The following KIF26A variants were observed in gnomAD, a reference collection of about 807,000 sequenced individuals.
The protein encoded by KIF26A is kinesin family member 26A, also known as kinesin-like protein KIF26A.
In KIF26A, 74 loss-of-function variants were observed where a neutral mutation model predicts 126.0. That is an observed-to-expected ratio of 0.59 (90% confidence interval 0.49 to 0.71). KIF26A has a LOEUF of 0.71. Ranked by LOEUF, KIF26A falls within the 30% of genes least tolerant of loss-of-function variation. The pLI, the probability that KIF26A is intolerant of heterozygous loss-of-function variation, is 0.00. For synonymous variants in KIF26A, 1,445 were observed against 1,232.7 expected, an observed-to-expected ratio of 1.17 and a Z score of -3.61; for missense variants, 2,984 against 2,763.3, an observed-to-expected ratio of 1.08 and a Z score of -1.79.
At chr14:104,172,269 C>T (rs76448230) in intron 6 of KIF26A, among the ~76,000 whole-genome samples, 6,639 of 152,330 alleles carry the variant, frequency 0.044, 189 homozygotes, top group Non-Finnish European at 0.063. Flanking sequence ...AGCCGTGCAC[C>T]GTGTGGCTGC....
Position 104,172,987 on chromosome 14 carries a change from C to T in KIF26A, c.1431C>T (p.Tyr477=). 3.1e-6 allele frequency: 5 copies of T among 1,596,246 alleles called. No individual in the cohort carries two copies. The highest frequency in any genetic ancestry group is 4.3e-6 in the Non-Finnish European group (5 of 1,169,992). Residue 477 remains tyrosine, a synonymous_variant, in exon 8 of 15, where the codon TAC becomes TAT. Coordinates refer to ENST00000423312, the MANE Select transcript of KIF26A (RefSeq NM_015656.2). ...SFGHMSLGKS[Y]TMIGKDSSPQ... Reference sequence around the variant, plus strand: ...CTGCGTGGCCCCCAGGCAAGTCGTACACCATGATCGGGAAGGACAGCTCAC... The same window carrying T: ...CTGCGTGGCCCCCAGGCAAGTCGTATACCATGATCGGGAAGGACAGCTCAC...
At chr14:104,149,542 G>A (rs979237466) in intron 2 of KIF26A, among the ~76,000 whole-genome samples, 6 of 152,076 alleles carry the variant, frequency 3.9e-5, no homozygotes, top group Admixed American at 1.3e-4. Flanking sequence ...CCGGAGCTCC[G>A]AGGCCTGGAT....
intron 2 of KIF26A, among the ~76,000 whole-genome samples, chr14:104,140,957 C>G (rs536028307): frequency 6.6e-6 from 1 of 152,288 alleles, no homozygotes; most frequent in South Asian, 2.1e-4. Flanking sequence ...AAGTGCTGTC[C>G]CACCTGCAGG....
chr14:104,167,630 C>T (rs571594438), intron 5 of KIF26A, among the ~76,000 whole-genome samples: 10 of 152,294 alleles, frequency 6.6e-5, no homozygotes, highest in East Asian at 1.9e-4. Context: ...TTGTGCCATC[C>T]GAGTCTCGGA....
rs1025885665 is a variant in KIF26A at position 104,176,947 on chromosome 14, C to CCGG, written c.4162_4164dup (p.Ala1388dup). On this transcript the variant is annotated inframe_insertion, in exon 12 of 15. Coordinates refer to ENST00000423312, the MANE Select transcript of KIF26A (RefSeq NM_015656.2). ...CTCGGCCCCTCCGCATGCTGTGAAC[C>CCGG]CGGCGCGGGTCGGGGCTGCTGCTGT... 17 of 1,535,398 alleles carry CCGG rather than the reference C, an allele frequency of 1.1e-5. No individual in the cohort carries two copies. The highest frequency in any genetic ancestry group is 1.3e-5 in the Non-Finnish European group (15 of 1,145,774).
At position 104,176,742 on chromosome 14, in the gene KIF26A, A is replaced by T. The variant is rs754373881; in HGVS notation, c.3954A>T (p.Pro1318=). Residue 1318 remains proline (P), a synonymous_variant, in exon 12 of 15, where the codon CCA becomes CCT. Coordinates refer to ENST00000423312, the MANE Select transcript of KIF26A (RefSeq NM_015656.2). ...CCACCACGCTGGGTGTGACAACGCC[A>T]GCTGTGTCCTGGGGAGATGCTCCCA... ...RGATTLGVTT[P]AVSWGDAPTE... The T allele has an allele frequency of 6.3e-7, 1 of 1,587,950 alleles. No individual in the cohort carries two copies. The highest frequency in any genetic ancestry group is 8.6e-7 in the Non-Finnish European group (1 of 1,168,502).
chr14:104,161,794 C>T (rs1282337296), intron 4 of KIF26A, among the ~76,000 whole-genome samples: 1 of 152,232 alleles, frequency 6.6e-6, no homozygotes, highest in African/African-American at 2.4e-5. Flanking sequence ...GGCATCAGGG[C>T]AGGCTTCCTG....
At chr14:104,153,706 C>T (rs2037751893) in intron 3 of KIF26A, among the ~76,000 whole-genome samples, 1 of 152,166 alleles carries the variant, frequency 6.6e-6, no homozygotes, top group South Asian at 2.1e-4. Context: ...TGGGCAGCAT[C>T]CTGGAGGAGG....
At chr14:104,170,044 T>A (rs1298382396) in intron 5 of KIF26A, among the ~76,000 whole-genome samples, 2 of 152,150 alleles carry the variant, frequency 1.3e-5, no homozygotes, top group African/African-American at 2.4e-5. Flanking sequence ...CCCTTCCTCC[T>A]GGTTGTGAGC....
At chr14:104,169,826 C>T (rs189465575) in intron 5 of KIF26A, among the ~76,000 whole-genome samples, 100 of 152,322 alleles carry the variant, frequency 6.6e-4, no homozygotes, top group African/African-American at 2.4e-3. Flanking sequence ...GGCAGCTATT[C>T]CGTGGGGCTT....
intron 2 of KIF26A, among the ~76,000 whole-genome samples, chr14:104,150,171 T>TCCC (rs2037714282): frequency 3.2e-5 from 1 of 31,060 alleles, no homozygotes; most frequent in Non-Finnish European, 7.4e-5. Context: ...CCCTTCCCCT[T>TCCC]CTCCTCCTTC....
intron 4 of KIF26A, among the ~76,000 whole-genome samples, chr14:104,165,968 C>T (rs1223850630): frequency 1.3e-5 from 2 of 152,176 alleles, no homozygotes; most frequent in Non-Finnish European, 2.9e-5. Flanking sequence ...AGCCTCTCCC[C>T]TGGAGGTCCT....
chr14:104,177,860 G>A lies in KIF26A; in HGVS notation c.5072G>A (p.Arg1691His), dbSNP rs763992858. The change falls in exon 12 of 15, where the codon CGC becomes CAC. Residue 1691 changes from arginine (R) to histidine (H), a missense_variant. Coordinates refer to ENST00000423312, the MANE Select transcript of KIF26A (RefSeq NM_015656.2). The part of the protein sequence containing the change: ...SESGAASPGA[R>H]TRSLKSPKKR... Reference sequence around the variant, plus strand: ...AGTGGGGCTGCCTCCCCAGGCGCCCGCACCCGCAGCCTCAAGTCCCCCAAG... The same window carrying A: ...AGTGGGGCTGCCTCCCCAGGCGCCCACACCCGCAGCCTCAAGTCCCCCAAG... 1.9e-5 allele frequency: 30 copies of A among 1,555,772 alleles called. No homozygotes were observed. Among genetic ancestry groups the A allele is most frequent in the East Asian group, 2.3e-5 (1 of 43,876 alleles).
At chr14:104,178,437 G>A (rs1388893459) in intron 12 of KIF26A, 113 bp from the exon 13 acceptor site, 2 of 778,142 alleles carry the variant, frequency 2.6e-6, no homozygotes, top group Admixed American at 3.5e-5. Flanking sequence ...TCCTGGACTG[G>A]ATCCCGAAGG....
At chr14:104,159,421 C>G (rs1291976011) in intron 4 of KIF26A, among the ~76,000 whole-genome samples, 1 of 152,244 alleles carries the variant, frequency 6.6e-6, no homozygotes, top group Non-Finnish European at 1.5e-5. Context: ...AGAGCTCCCC[C>G]GGTCCCTGAT....
rs2487301 is a variant in KIF26A, at chr14:104,177,384, C to G, written c.4596C>G (p.Ala1532=). Residue 1532 remains alanine (A), a synonymous_variant, in exon 12 of 15, where the codon GCC becomes GCG. Transcript: ENST00000423312. ...GCAGGAGCCCTGGCGGCCCTGTGGC[C>G]GGTCCCAGAGCAGCCCCACGGGCCG... ...VTGRSPGGPV[A]GPRAAPRAGP... is the part of the protein sequence containing the mutation. 1 of 1,481,866 alleles carries G rather than the reference C, an allele frequency of 6.7e-7. No individual in the cohort carries two copies. The highest frequency in any genetic ancestry group is 8.9e-7 in the Non-Finnish European group (1 of 1,120,398). The allele number at this position is 1,481,866 out of a possible 1,614,324, so 91.8% of individuals were successfully genotyped here. A position where few individuals can be genotyped will look rare whatever the true frequency, so the allele number is the denominator to read the frequency against.
At chr14:104,166,490 G>A (rs2037903991) in intron 4 of KIF26A, among the ~76,000 whole-genome samples, 1 of 152,138 alleles carries the variant, frequency 6.6e-6, no homozygotes, top group South Asian at 2.1e-4. Context: ...GCATCGGGTG[G>A]GAGCAGCTTT....
Position 104,179,244 on chromosome 14 carries a change from G to C in KIF26A, c.5325G>C (p.Ala1775=). The change falls in exon 14 of 15, where the codon GCG becomes GCC. Residue 1775 remains alanine, a synonymous_variant. Coordinates refer to ENST00000423312, the MANE Select transcript of KIF26A (RefSeq NM_015656.2). ...TPREAPTQGL[A]CVSTRLRLAE... ...CCCGCCCTGCCTCCCAGGGTCTGGCGTGCGTCAGTACAAGGCTGCGGCTGG... is the reference window on the plus strand; with the variant it reads ...CCCGCCCTGCCTCCCAGGGTCTGGCCTGCGTCAGTACAAGGCTGCGGCTGG... The C allele has an allele frequency of 6.7e-7, 1 of 1,498,712 alleles. No individual in the cohort carries two copies. The highest frequency in any genetic ancestry group is 8.9e-7 in the Non-Finnish European group (1 of 1,129,182). The allele number at this position is 1,498,712 out of a possible 1,614,324, so 92.8% of individuals were successfully genotyped here.
chr14:104,142,428 C>CCCTGTGACCTGGCCT (rs2037645817), intron 2 of KIF26A, among the ~76,000 whole-genome samples: 1 of 151,944 alleles, frequency 6.6e-6, no homozygotes. Flanking sequence ...TGGAGCGGCC[C>CCCTGTGACCTGGCCT]CCTGTGGCCT....
Sources: gnomAD v4.1 joint callset for allele counts (sites outside exome capture counted in the v4.1 genomes callset) on GRCh38, gnomAD v4.1.1 for gene constraint, MANE v1.5 for transcripts, NCBI Gene and HGNC (gene_info 2026-07-23, HGNC 2026-07-21) for gene names.